The following SDHA variants were observed in gnomAD, a reference collection of about 807,000 sequenced individuals.
SDHA encodes the protein succinate dehydrogenase complex flavoprotein subunit A.
Under a neutral mutation model 78.4 loss-of-function variants are expected in SDHA, and 48 were observed. The observed-to-expected ratio is 0.61, with a 90% CI of 0.49 to 0.78. The LOEUF is 0.78. SDHA is among the 30% of genes least tolerant of loss of function. The pLI is 0.00. For synonymous variants in SDHA, 326 were observed against 353.9 expected, an observed-to-expected ratio of 0.92 and a Z score of 0.88; for missense variants, 680 against 892.7, an observed-to-expected ratio of 0.76 and a Z score of 3.04.
intron 11 of SDHA, chr5:250,069 T>G (rs1736717842): frequency 6.6e-6 from 1 of 152,136 alleles, no homozygotes; most frequent in African/African-American, 2.4e-5. Context: ...TATGAAAACA[T>G]GTGGCTGCTA....
At chr5:227,705 A>G (rs1214066948) in intron 5 of SDHA, 1 of 230,992 alleles carries the variant, frequency 4.3e-6, no homozygotes, top group Non-Finnish European at 8.6e-6. Context: ...CTCGTCTGCA[A>G]CCGTCCGCTT....
Position 251,378 on chromosome 5 carries a change from G to A in SDHA, c.1704G>A (p.Leu568=), listed in dbSNP as rs2126633298. The change falls in exon 13 of 15, where the codon CTG becomes CTA. Residue 568 remains leucine (L), a synonymous_variant. Coordinates refer to ENST00000264932, the MANE Select transcript of SDHA (RefSeq NM_004168.4). ...WNTDLVETLE[L]QNLMLCALQT... is the part of the protein sequence containing the mutation. The stretch of plus-strand genomic sequence containing the variant: ...CGGACCTGGTGGAGACCCTGGAGCT[G>A]CAGAACCTGATGCTGTGTGCGCTGC... 1 of 1,613,832 alleles carries A rather than the reference G, an allele frequency of 6.2e-7. No homozygotes were observed.
intron 3 of SDHA, among the ~76,000 whole-genome samples, chr5:225,070 C>T (rs1464674879): frequency 6.6e-6 from 1 of 152,144 alleles, no homozygotes; most frequent in African/African-American, 2.4e-5. Context: ...ATAAAATTAT[C>T]TGGAAAGATT....
downstream of SDHA, among the ~76,000 whole-genome samples, chr5:258,327 CCT>C (rs138595922): frequency 5.0e-3 from 643 of 128,062 alleles, 69 homozygotes; most frequent in East Asian, 0.09. Context: ...GCTCCGCCCC[CCT>C]GTCAGAGCAT....
At chr5:223,045 T>C (rs1018685568) in intron 1 of SDHA, among the ~76,000 whole-genome samples, 2 of 152,134 alleles carry the variant, frequency 1.3e-5, no homozygotes, top group Non-Finnish European at 2.9e-5. Context: ...TCCTGGACGA[T>C]TGGAACTGTA....
the SDHA span, among the ~76,000 whole-genome samples, chr5:264,413 G>A: frequency 6.6e-6 from 1 of 152,236 alleles, no homozygotes; most frequent in African/African-American, 2.4e-5. Flanking sequence ...TGAGGGCACA[G>A]GGTGTCTGGG....
chr5:228,299 C>T lies in SDHA; in HGVS notation c.736C>T (p.Arg246Cys), dbSNP rs1579391530. ...GTGCATAGAGGACGGGTCCATCCATCGCATAAGAGCAAAGAACACTGTTGT... is the reference window on the plus strand; with the variant it reads ...GTGCATAGAGGACGGGTCCATCCATTGCATAAGAGCAAAGAACACTGTTGT... ...ALCIEDGSIH[R>C]IRAKNTVVAT... The change falls in exon 6 of 15, where the codon CGC becomes TGC. Residue 246 changes from arginine to cysteine, a missense_variant. Arg to Cys is a radical substitution (Grantham distance 180). Transcript: ENST00000264932. The T allele has an allele frequency of 2.5e-6, 4 of 1,613,862 alleles. No homozygotes were observed. The highest frequency in any genetic ancestry group is 1.7e-4 in the Middle Eastern group (1 of 6,058).
the SDHA span, among the ~76,000 whole-genome samples, chr5:263,712 T>C: frequency 6.6e-6 from 1 of 152,276 alleles, no homozygotes; most frequent in Non-Finnish European, 1.5e-5. Context: ...TTTGACATCA[T>C]GCTTTGTTTA....
chr5:218,547 G>T, intron 1 of SDHA, 129 bp downstream of exon 1: 1 of 706,574 alleles, frequency 1.4e-6, no homozygotes, highest in Non-Finnish European at 2.0e-6. Context: ...GGATCGGGAA[G>T]GGGCTGAGAG....
chr5:225,337 C>G, intron 3 of SDHA, 82 bp from the exon 4 acceptor site: 3 of 1,582,118 alleles, frequency 1.9e-6, no homozygotes, highest in Non-Finnish European at 1.7e-6. Flanking sequence ...TTCTCTGAAT[C>G]CCCCCAGCGG....
Position 242,117 on chromosome 5 carries a change from C to T in SDHA, c.1551+1641C>T, listed in dbSNP as rs946423793. On this transcript the variant is annotated intron_variant, in intron 11 of 14. Transcript: ENST00000264932. ...AGAGTTTCCTCTGCTCGTGGAAATG[C>T]GTTCCGTTGGGGAAGGGATTTTTCT... 5.9e-5 allele frequency among the ~76,000 whole-genome samples: 9 copies of T among 152,236 alleles called. No homozygotes were observed. The East Asian group carries it at 7.7e-4, about 13-fold the overall frequency.
chr5:249,240 T>C (rs1374144651), intron 11 of SDHA: 2 of 272,560 alleles, frequency 7.3e-6, no homozygotes, highest in African/African-American at 4.7e-5. Flanking sequence ...AGTCTGCAGA[T>C]GTGGATCCTG....
chr5:251,168 T>A, intron 12 of SDHA, 65 bp downstream of exon 12: 1 of 1,571,436 alleles, frequency 6.4e-7, no homozygotes, highest in East Asian at 2.2e-5. Context: ...GGCTGGTGTC[T>A]GTCCCGTCAG....
chr5:235,267 G>A lies in SDHA; in HGVS notation c.1188G>A (p.Thr396=), dbSNP rs778667374. Residue 396 remains threonine (T), a synonymous_variant, in exon 9 of 15, where the codon ACG becomes ACA. Coordinates refer to ENST00000264932, the MANE Select transcript of SDHA (RefSeq NM_004168.4). ...TGATCTTCGCTGGCGTGGACGTCACGAAGGAGCCGATCCCTGTCCTCCCCA... is the reference window on the plus strand; with the variant it reads ...TGATCTTCGCTGGCGTGGACGTCACAAAGGAGCCGATCCCTGTCCTCCCCA... The part of the protein sequence containing the change: ...TAMIFAGVDV[T]KEPIPVLPTV... The A allele has an allele frequency of 2.5e-5, 40 of 1,613,992 alleles. No individual in the cohort carries two copies. The highest frequency in any genetic ancestry group is 1.5e-4 in the South Asian group (14 of 91,084).
rs754910183 is a variant in SDHA, at chr5:230,933, C to G, written c.828C>G (p.Gly276=). ...CTSAHTSTGD[G]TAMITRAGLP... ...CTGCCCACACCAGCACTGGCGACGG[C>G]ACGGCCATGATCACCAGGGCAGGCC... Residue 276 remains glycine, a synonymous_variant, in exon 7 of 15, where the codon GGC becomes GGG. Coordinates refer to ENST00000264932, the MANE Select transcript of SDHA (RefSeq NM_004168.4). The G allele has an allele frequency of 6.2e-7, 1 of 1,614,092 alleles. No homozygotes were observed. The highest frequency in any genetic ancestry group is 8.5e-7 in the Non-Finnish European group (1 of 1,179,944).
downstream of SDHA, among the ~76,000 whole-genome samples, chr5:258,145 T>C (rs1191959434): frequency 2.5e-4 from 14 of 56,788 alleles, 1 homozygote; most frequent in African/African-American, 1.2e-3. Flanking sequence ...CCGCCCCCGT[T>C]AGAGCATTAC....
intron 13 of SDHA, among the ~76,000 whole-genome samples, chr5:253,259 G>T (rs897767385): frequency 3.3e-5 from 5 of 152,116 alleles, no homozygotes; most frequent in Non-Finnish European, 7.4e-5. Context: ...GCTGAACATG[G>T]TGAATGGGAA....
chr5:225,728 C>A, intron 4 of SDHA, 155 bp from the exon 5 acceptor site: 1 of 1,337,414 alleles, frequency 7.5e-7, no homozygotes, highest in Non-Finnish European at 1.1e-6. Context: ...TTATATGTAA[C>A]AAGAAAACTT....
chr5:225,883 C>T lies in SDHA; in HGVS notation c.457C>T (p.Leu153=), dbSNP rs1200591418. The T allele has an allele frequency of 8.7e-6, 14 of 1,612,572 alleles. No homozygotes were observed. Among genetic ancestry groups the T allele is most frequent in the Non-Finnish European group, 1.2e-5 (14 of 1,179,868 alleles). Residue 153 remains leucine (L), a splice_region_variant and synonymous_variant, in exon 5 of 15, where the codon CTA becomes TTA. Coordinates refer to ENST00000264932, the MANE Select transcript of SDHA (RefSeq NM_004168.4). ...TTTTGTTTGTTTTTATCTTTCACAG[C>T]TAGAAAATTATGGCATGCCGTTTAG... ...TEQAPAAVVE[L]ENYGMPFSRT...
Sources: gnomAD v4.1 joint callset for allele counts (sites outside exome capture counted in the v4.1 genomes callset) on GRCh38, gnomAD v4.1.1 for gene constraint, MANE v1.5 for transcripts, NCBI Gene and HGNC (gene_info 2026-07-23, HGNC 2026-07-21) for gene names.